COL14A1: variants seen among roughly 807,000 people sequenced by gnomAD.
COL14A1 encodes collagen alpha-1(XIV) chain.
COL14A1 carries 136 observed loss-of-function variants against 230.3 expected under a neutral mutation model. The observed-to-expected ratio is 0.59, with a 90% CI of 0.51 to 0.68. The LOEUF (loss-of-function observed/expected upper bound fraction) is 0.68, where lower values mean the gene tolerates loss of function less well. COL14A1 is among the 30% of genes least tolerant of loss of function. COL14A1 has a pLI of 0.00. For synonymous variants in COL14A1, 792 were observed against 784.1 expected, an observed-to-expected ratio of 1.01 and a Z score of -0.17; for missense variants, 1,976 against 2,215.8, an observed-to-expected ratio of 0.89 and a Z score of 2.17.
chr8:120,190,030 T>C (rs1175790599), intron 5 of COL14A1, among the ~76,000 whole-genome samples: 1 of 150,868 alleles, frequency 6.6e-6, no homozygotes. Context: ...AAATGGTATT[T>C]CTAGTTCTAG....
chr8:120,227,712 T>C (rs1412627515), intron 17 of COL14A1, among the ~76,000 whole-genome samples: 2 of 152,156 alleles, frequency 1.3e-5, no homozygotes, highest in Admixed American at 6.5e-5. Context: ...AATGAATAGA[T>C]TGCCAAACAA....
chr8:120,303,273 T>C (rs975227586), intron 36 of COL14A1, among the ~76,000 whole-genome samples: 1 of 152,204 alleles, frequency 6.6e-6, no homozygotes, highest in African/African-American at 2.4e-5. Flanking sequence ...TCCAATACTA[T>C]GTTAAATAGG....
At chr8:120,129,352 TA>T (rs1208473628) in intron 1 of COL14A1, among the ~76,000 whole-genome samples, 1 of 152,184 alleles carries the variant, frequency 6.6e-6, no homozygotes, top group Non-Finnish European at 1.5e-5. Context: ...ACATTGTAGT[TA>T]AAAACAGTCT....
At chr8:120,291,775 C>T (rs1386056127) in intron 34 of COL14A1, among the ~76,000 whole-genome samples, 1 of 152,018 alleles carries the variant, frequency 6.6e-6, no homozygotes, top group Non-Finnish European at 1.5e-5. Flanking sequence ...TCCTCCATCC[C>T]ACCTTTTCTA....
chr8:120,252,632 A>G (rs1040444722), intron 22 of COL14A1, among the ~76,000 whole-genome samples: 3 of 152,210 alleles, frequency 2.0e-5, no homozygotes, highest in African/African-American at 7.2e-5. Flanking sequence ...AAATGAAGAT[A>G]ATAATAACCA....
intron 40 of COL14A1, among the ~76,000 whole-genome samples, chr8:120,329,572 A>C (rs540254473): frequency 1.1e-4 from 17 of 152,190 alleles, no homozygotes; most frequent in African/African-American, 4.1e-4. Context: ...GTGCCACTGC[A>C]CTCCAGCCTG....
At chr8:120,288,998 G>C (rs954635100) in intron 33 of COL14A1, among the ~76,000 whole-genome samples, 1 of 152,090 alleles carries the variant, frequency 6.6e-6, no homozygotes, top group African/African-American at 2.4e-5. Flanking sequence ...TCCTTACAAA[G>C]AATGTGTCAA....
At chr8:120,348,028 G>GTATC (rs1472567032) in intron 45 of COL14A1, among the ~76,000 whole-genome samples, 1 of 151,856 alleles carries the variant, frequency 6.6e-6, no homozygotes, top group Admixed American at 6.6e-5. Flanking sequence ...TCACTACTGG[G>GTATC]TATCTACCCA....
chr8:120,218,750 T>TGGATG (rs1285266330), intron 14 of COL14A1, among the ~76,000 whole-genome samples: 4 of 152,190 alleles, frequency 2.6e-5, no homozygotes, highest in African/African-American at 9.6e-5. Flanking sequence ...TAGGGACTGG[T>TGGATG]GGATGGGAAG....
chr8:120,197,549 GT>G (rs1175675376), intron 6 of COL14A1, among the ~76,000 whole-genome samples: 2 of 151,580 alleles, frequency 1.3e-5, no homozygotes, highest in East Asian at 1.9e-4. Flanking sequence ...CATGATCAGA[GT>G]TTTTTTTAAT....
chr8:120,127,619 T>G (rs1814387824), intron 1 of COL14A1, among the ~76,000 whole-genome samples: 1 of 152,238 alleles, frequency 6.6e-6, no homozygotes, highest in Non-Finnish European at 1.5e-5. Flanking sequence ...TTTGAGGGGC[T>G]CTAGGGAAAG....
intron 40 of COL14A1, among the ~76,000 whole-genome samples, chr8:120,319,926 C>T (rs1013670852): frequency 2.0e-5 from 3 of 152,106 alleles, no homozygotes; most frequent in African/African-American, 4.8e-5. Context: ...AAAGCATTTT[C>T]GTCTCATCTT....
chr8:120,255,282 T>C lies in COL14A1; in HGVS notation c.2795T>C (p.Met932Thr). 3 of 1,614,204 alleles carry C rather than the reference T, an allele frequency of 1.9e-6. No homozygotes were observed. Among genetic ancestry groups the C allele is most frequent in the Non-Finnish European group, 2.5e-6 (3 of 1,180,014 alleles). ...VTNLQAKHVE[M>T]TSLCAHWQVH... ...AATCTCCAAGCCAAACATGTTGAAATGACCAGCTTGTGTGCCCACTGGCAG... is the reference window on the plus strand; with the variant it reads ...AATCTCCAAGCCAAACATGTTGAAACGACCAGCTTGTGTGCCCACTGGCAG... The change falls in exon 23 of 48, where the codon ATG becomes ACG. Residue 932 changes from methionine to threonine, a missense_variant. Physicochemically the swap from Met to Thr is moderately conservative, Grantham distance 81. Around this residue, in one of 3 missense-constraint regions of COL14A1, gnomAD observed 1,791 missense variants for 2,019.5 expected, o/e 0.89. Coordinates refer to ENST00000297848, the MANE Select transcript of COL14A1 (RefSeq NM_021110.4).
Position 120,162,485 on chromosome 8 carries a change from C to T in COL14A1, c.265C>T (p.Leu89Phe). Residue 89 changes from leucine to phenylalanine, a missense_variant, in exon 4 of 48, where the codon CTT becomes TTT. Physicochemically the swap from Leu to Phe is conservative, Grantham distance 22. This residue lies in a region of COL14A1 where 181 missense variants were observed against 178.6 expected (regional missense o/e 1.01). Transcript: ENST00000297848. ...NTATKAIIQG[L>F]MPDQNYTVQI... ...TGCAACTAAAGCAATTATTCAAGGC[C>T]TTATGCCAGACCAGAATTACACAGT... The T allele has an allele frequency of 6.2e-7, 1 of 1,612,874 alleles. No individual in the cohort carries two copies. The highest frequency in any genetic ancestry group is 8.5e-7 in the Non-Finnish European group (1 of 1,179,474).
chr8:120,358,785 GTTGT>G (rs1323317183), intron 45 of COL14A1, among the ~76,000 whole-genome samples: 2 of 152,078 alleles, frequency 1.3e-5, no homozygotes, highest in Non-Finnish European at 2.9e-5. Flanking sequence ...TAAAACTAAA[GTTGT>G]TTGTATTAGC....
At chr8:120,289,827 C>T (rs1820318049) in intron 34 of COL14A1, 61 bp downstream of exon 34, 1 of 1,501,024 alleles carries the variant, frequency 6.7e-7, no homozygotes, top group South Asian at 1.4e-5. Context: ...TTTTAAAGTA[C>T]ATTAGCTATT....
intron 9 of COL14A1, among the ~76,000 whole-genome samples, chr8:120,206,149 T>A (rs554231308): frequency 1.3e-5 from 2 of 152,338 alleles, no homozygotes; most frequent in South Asian, 4.1e-4. Context: ...GACTCTTGTG[T>A]CAAGCCCAGA....
At chr8:120,177,772 T>C (rs1035563314) in intron 5 of COL14A1, among the ~76,000 whole-genome samples, 1 of 146,444 alleles carries the variant, frequency 6.8e-6, no homozygotes, top group Non-Finnish European at 1.5e-5. Flanking sequence ...ATCTCAGAAA[T>C]ATTTGAAAGA....
chr8:120,329,637 T>G (rs888083304), intron 40 of COL14A1, among the ~76,000 whole-genome samples: 1 of 152,156 alleles, frequency 6.6e-6, no homozygotes, highest in African/African-American at 2.4e-5. Flanking sequence ...TCAACTTATA[T>G]CAGCATTAAT....
Sources: gnomAD v4.1 joint callset for allele counts (sites outside exome capture counted in the v4.1 genomes callset) on GRCh38, gnomAD v4.1.1 for gene constraint, gnomAD v4.1.1 regional missense constraint, MANE v1.5 for transcripts, NCBI Gene and HGNC (gene_info 2026-07-23, HGNC 2026-07-21) for gene names.